The following RGSL1 variants were observed in gnomAD, a reference collection of about 807,000 sequenced individuals.
The protein encoded by RGSL1 is regulator of G protein signaling protein-like.
RGSL1 carries 97 observed loss-of-function variants against 124.7 expected under a neutral mutation model. The observed-to-expected ratio is 0.78, with a 90% confidence interval of 0.66 to 0.92. RGSL1 has a LOEUF of 0.92. Ranked by LOEUF, RGSL1 falls within the 40% of genes least tolerant of loss-of-function variation. The pLI, the probability that RGSL1 is intolerant of heterozygous loss-of-function variation, is 0.00. For synonymous variants in RGSL1, 424 were observed against 438.1 expected, an observed-to-expected ratio of 0.97 and a Z score of 0.40; for missense variants, 1,233 against 1,288.4, an observed-to-expected ratio of 0.96 and a Z score of 0.66.
chr1:182,523,983 G>T (rs1480947550), intron 10 of RGSL1, among the ~76,000 whole-genome samples: 1 of 152,150 alleles, frequency 6.6e-6, no homozygotes, highest in Non-Finnish European at 1.5e-5. Flanking sequence ...TATTTTGTAG[G>T]TAGGGATAAA....
At chr1:182,552,355 C>G (rs1660617824) in intron 18 of RGSL1, among the ~76,000 whole-genome samples, 1 of 152,066 alleles carries the variant, frequency 6.6e-6, no homozygotes, top group Admixed American at 6.6e-5. Flanking sequence ...ACCTTGTGAT[C>G]CACCCCCCTC....
At chr1:182,509,413 C>T (rs1657141065) in intron 9 of RGSL1, among the ~76,000 whole-genome samples, 1 of 27,106 alleles carries the variant, frequency 3.7e-5, no homozygotes, top group African/African-American at 1.4e-4. Context: ...CCCTCACCTC[C>T]CAGACGGGGC....
intron 11 of RGSL1, among the ~76,000 whole-genome samples, chr1:182,529,888 C>T (rs867409420): frequency 8.5e-5 from 13 of 152,080 alleles, no homozygotes; most frequent in Middle Eastern, 3.2e-3. Context: ...TTGGATTCCC[C>T]GTCTGCCCAG....
intron 4 of RGSL1, among the ~76,000 whole-genome samples, chr1:182,461,466 A>G (rs1392474969): frequency 2.6e-5 from 4 of 152,106 alleles, no homozygotes; most frequent in Admixed American, 1.3e-4. Context: ...AAGGCACACA[A>G]AGAGGAAAGT....
intron 3 of RGSL1, 117 bp from the exon 4 acceptor site, chr1:182,459,887 T>C: frequency 7.9e-7 from 1 of 1,257,948 alleles, no homozygotes; most frequent in Non-Finnish European, 1.1e-6. Flanking sequence ...TCAACACACC[T>C]ATCCTTCTGG....
intron 9 of RGSL1, among the ~76,000 whole-genome samples, chr1:182,497,726 T>C (rs1378731938): frequency 1.3e-5 from 2 of 152,232 alleles, no homozygotes; most frequent in East Asian, 1.9e-4. Context: ...CTTGACACTT[T>C]TGAAGATTCC....
intron 9 of RGSL1, among the ~76,000 whole-genome samples, chr1:182,508,014 T>G (rs1256040564): frequency 2.0e-5 from 3 of 152,120 alleles, no homozygotes; most frequent in African/African-American, 4.8e-5. Context: ...TTTTTTGATA[T>G]GTTGATTTTC....
intron 6 of RGSL1, among the ~76,000 whole-genome samples, chr1:182,486,714 C>T (rs995576812): frequency 8.6e-5 from 13 of 151,918 alleles, no homozygotes; most frequent in South Asian, 4.2e-4. Flanking sequence ...TCATTCTTGT[C>T]GCCCAGGCTG....
At chr1:182,501,982 T>C (rs1466634168) in intron 9 of RGSL1, among the ~76,000 whole-genome samples, 1 of 152,216 alleles carries the variant, frequency 6.6e-6, no homozygotes, top group Non-Finnish European at 1.5e-5. Flanking sequence ...TTTTTGAACT[T>C]TGTTTATCTA....
chr1:182,448,375 C>A (rs1393605719), upstream of RGSL1: 1 of 152,122 alleles, frequency 6.6e-6, no homozygotes, highest in African/African-American at 2.4e-5. Flanking sequence ...GTGCGCAACA[C>A]CACATCTGGA....
intron 4 of RGSL1, among the ~76,000 whole-genome samples, chr1:182,471,928 T>G (rs1389257858): frequency 6.6e-6 from 1 of 152,162 alleles, no homozygotes; most frequent in African/African-American, 2.4e-5. Context: ...AAGAACTAGA[T>G]GGACTACATC....
chr1:182,508,682 T>TG (rs1657045351), intron 9 of RGSL1, among the ~76,000 whole-genome samples: 2 of 150,004 alleles, frequency 1.3e-5, no homozygotes, highest in Admixed American at 1.3e-4. Context: ...GTTTTTTTTT[T>TG]TTTTTTTTTT....
intron 9 of RGSL1, among the ~76,000 whole-genome samples, chr1:182,497,138 G>T (rs1320800713): frequency 6.6e-6 from 1 of 151,816 alleles, no homozygotes; most frequent in African/African-American, 2.4e-5. Context: ...ATATAATAAT[G>T]GCAAGACAGT....
chr1:182,507,716 T>G (rs1411970324), intron 9 of RGSL1, among the ~76,000 whole-genome samples: 1 of 152,100 alleles, frequency 6.6e-6, no homozygotes, highest in Non-Finnish European at 1.5e-5. Context: ...TTTTTTTTCT[T>G]TTTTGGGACA....
chr1:182,532,598 AGTAGACTCTCG>A, intron 13 of RGSL1, 53 bp from the exon 14 acceptor site: 1 of 1,510,006 alleles, frequency 6.6e-7, no homozygotes, highest in Non-Finnish European at 8.9e-7. Context: ...TTTGGCACAC[AGTAGACTCTCG>A]GTGAACAGCA....
intron 11 of RGSL1, 110 bp downstream of exon 11, chr1:182,527,882 G>A: frequency 2.4e-6 from 2 of 840,622 alleles, no homozygotes; most frequent in Non-Finnish European, 3.6e-6. Context: ...GTACAGAGCA[G>A]CAGCCACATG....
Position 182,548,809 on chromosome 1 carries a change from T to C in RGSL1, c.2918T>C (p.Met973Thr), listed in dbSNP as rs1660386914. Reference protein sequence around the residue: ...GAIMSVFPVVMYFWKRFCFWK... With the variant: ...GAIMSVFPVVTYFWKRFCFWK... ...ATCATGTCTGTCTTCCCCGTTGTTA[T>C]GTACTTCTGGAAAAGGTAACTGTTT... is the stretch of plus-strand genomic sequence containing the variant. Residue 973 changes from methionine to threonine, a missense_variant, in exon 17 of 22, where the codon ATG becomes ACG. Met to Thr is a moderately conservative substitution (Grantham distance 81). Coordinates refer to ENST00000294854, the MANE Select transcript of RGSL1 (RefSeq NM_001137669.2). The C allele has an allele frequency of 3.2e-6, 5 of 1,551,676 alleles. No homozygotes were observed. The highest frequency in any genetic ancestry group is 4.4e-6 in the Non-Finnish European group (5 of 1,146,974).
intron 9 of RGSL1, among the ~76,000 whole-genome samples, chr1:182,505,460 CT>C (rs1656745634): frequency 6.6e-6 from 1 of 152,102 alleles, no homozygotes; most frequent in African/African-American, 2.4e-5. Context: ...AAGACTTTCC[CT>C]AGTTGTCATA....
intron 21 of RGSL1, among the ~76,000 whole-genome samples, 188 bp from the exon 22 acceptor site, chr1:182,560,091 A>G (rs548580631): frequency 8.5e-5 from 13 of 152,384 alleles, no homozygotes; most frequent in African/African-American, 2.9e-4. Flanking sequence ...GCAGTGGAGA[A>G]AACAGAATGT....
Sources: gnomAD v4.1 joint callset for allele counts (sites outside exome capture counted in the v4.1 genomes callset) on GRCh38, gnomAD v4.1.1 for gene constraint, MANE v1.5 for transcripts, NCBI Gene and HGNC (gene_info 2026-07-23, HGNC 2026-07-21) for gene names.